TENM4: variants seen among roughly 807,000 people sequenced by gnomAD.
TENM4 encodes teneurin transmembrane protein 4, also known as teneurin-4.
In TENM4, 82 loss-of-function variants were observed where a neutral mutation model predicts 243.3. The observed-to-expected ratio is 0.34, with a 90% CI of 0.28 to 0.40. The LOEUF is 0.40. TENM4 is among the 10% of genes least tolerant of loss of function. The pLI, the probability that TENM4 is intolerant of heterozygous loss-of-function variation, is 1.00. For synonymous variants in TENM4, 1,412 were observed against 1,456.3 expected (o/e 0.97, Z 0.69); for missense variants, 3,138 against 3,673.3 (o/e 0.85, Z 3.77).
At chr11:79,260,831 G>C (rs578068856) in intron 2 of TENM4, among the ~76,000 whole-genome samples, 2 of 152,182 alleles carry the variant, frequency 1.3e-5, no homozygotes, top group African/African-American at 4.8e-5. Flanking sequence ...GGTTCTTCTG[G>C]GGATCCAACC....
intron 1 of TENM4, among the ~76,000 whole-genome samples, chr11:79,373,338 A>C (rs12791196): frequency 0.027 from 3,997 of 148,032 alleles, 71 homozygotes; most frequent in African/African-American, 0.051. Flanking sequence ...GGCTGGATGG[A>C]TGGATGGATG....
chr11:78,927,567 A>C (rs1040650226), intron 6 of TENM4, among the ~76,000 whole-genome samples: 8 of 152,348 alleles, frequency 5.3e-5, no homozygotes, highest in African/African-American at 1.9e-4. Context: ...ATGTTATTCA[A>C]AATAGAGGAG....
chr11:79,030,992 C>T (rs1443783526), intron 6 of TENM4, among the ~76,000 whole-genome samples: 1 of 152,132 alleles, frequency 6.6e-6, no homozygotes, highest in African/African-American at 2.4e-5. Flanking sequence ...AGAAAGGAGA[C>T]ACGAAGGTGG....
At chr11:79,274,227 G>A (rs1392902346) in intron 2 of TENM4, among the ~76,000 whole-genome samples, 4 of 152,234 alleles carry the variant, frequency 2.6e-5, no homozygotes, top group Non-Finnish European at 5.9e-5. Context: ...AAGGACAGAA[G>A]GCAGAAGGTC....
rs1402634437 is a variant in TENM4, at chr11:78,962,372, AAC to A, written c.494-58851_494-58850del. Among the ~76,000 whole-genome samples, 8 of 151,480 alleles carry A rather than the reference AAC, an allele frequency of 5.3e-5. No homozygotes were observed. In the East Asian group the frequency reaches 7.8e-4, roughly 15 times the overall value. Reference sequence around the variant, plus strand: ...GGAGCACCTGCGAACCACAAAGACAAACACAGACAGAAAAAATAATGAAAATT... The same window carrying A: ...GGAGCACCTGCGAACCACAAAGACAAACAGACAGAAAAAATAATGAAAATT... On this transcript the variant is annotated intron_variant, in intron 6 of 33. Coordinates refer to ENST00000278550, the MANE Select transcript of TENM4 (RefSeq NM_001098816.3).
chr11:78,914,031 A>C (rs935748133), intron 6 of TENM4, among the ~76,000 whole-genome samples: 1 of 152,290 alleles, frequency 6.6e-6, no homozygotes, highest in East Asian at 1.9e-4. Flanking sequence ...ATAATGTCCA[A>C]GTCTCATAGC....
chr11:79,280,897 C>A (rs573827459), intron 2 of TENM4, among the ~76,000 whole-genome samples: 7 of 152,174 alleles, frequency 4.6e-5, no homozygotes, highest in Admixed American at 2.6e-4. Context: ...TTGGCCCACT[C>A]GGCAAAATAA....
chr11:79,015,477 A>AGTGTGTGT (rs113872101), intron 6 of TENM4, among the ~76,000 whole-genome samples: 13,615 of 147,148 alleles, frequency 0.093, 1,076 homozygotes, highest in African/African-American at 0.22. Context: ...AAAGTCATTT[A>AGTGTGTGT]GTGTGTGTGT....
At chr11:79,356,591 A>T (rs1362489184) in intron 1 of TENM4, among the ~76,000 whole-genome samples, 1 of 152,166 alleles carries the variant, frequency 6.6e-6, no homozygotes, top group Non-Finnish European at 1.5e-5. Context: ...ACATGGAAAT[A>T]ATTAGCCCTG....
chr11:79,061,740 G>C (rs764635665), intron 6 of TENM4, among the ~76,000 whole-genome samples: 5 of 152,126 alleles, frequency 3.3e-5, no homozygotes, highest in Non-Finnish European at 7.3e-5. Flanking sequence ...ACTGTAACTA[G>C]GGCTGTAAGA....
chr11:79,362,715 T>C (rs1362846562), intron 1 of TENM4, among the ~76,000 whole-genome samples: 1 of 152,230 alleles, frequency 6.6e-6, no homozygotes, highest in African/African-American at 2.4e-5. Context: ...ACTATTTTTG[T>C]AGCTCTGTGA....
chr11:79,345,725 G>A (rs1228530391), intron 1 of TENM4, among the ~76,000 whole-genome samples: 1 of 152,106 alleles, frequency 6.6e-6, no homozygotes, highest in Admixed American at 6.5e-5. Context: ...ATACATTATT[G>A]AGAAGTTCCT....
chr11:79,117,660 C>A (rs1003198171), intron 4 of TENM4, among the ~76,000 whole-genome samples: 1 of 152,194 alleles, frequency 6.6e-6, no homozygotes, highest in African/African-American at 2.4e-5. Flanking sequence ...CCCTGGAGAG[C>A]AGCAGCCACT....
intron 4 of TENM4, among the ~76,000 whole-genome samples, chr11:79,102,777 C>T (rs974241757): frequency 5.3e-5 from 8 of 152,226 alleles, no homozygotes; most frequent in African/African-American, 1.7e-4. Context: ...CAGCTAGCCA[C>T]CTGTGGCTGT....
chr11:79,009,016 G>T (rs958810616), intron 6 of TENM4, among the ~76,000 whole-genome samples: 1 of 152,090 alleles, frequency 6.6e-6, no homozygotes. Context: ...AATAGCAAAG[G>T]TGAACATTTT....
At chr11:79,425,216 C>A (rs1191189245) in intron 1 of TENM4, among the ~76,000 whole-genome samples, 1 of 152,084 alleles carries the variant, frequency 6.6e-6, no homozygotes, top group Non-Finnish European at 1.5e-5. Flanking sequence ...AGGAGTGTAC[C>A]AAAGGGACCC....
At chr11:79,432,807 G>A (rs554387465) in intron 1 of TENM4, among the ~76,000 whole-genome samples, 5 of 152,270 alleles carry the variant, frequency 3.3e-5, no homozygotes, top group Non-Finnish European at 4.4e-5. Flanking sequence ...GCATATTCTC[G>A]AAAGTTACAA....
At chr11:78,864,724 G>C (rs61881988) in intron 9 of TENM4, among the ~76,000 whole-genome samples, 1 of 152,102 alleles carries the variant, frequency 6.6e-6, no homozygotes, top group African/African-American at 2.4e-5. Context: ...GGAAGTAAGC[G>C]CTCAAGTCCC....
chr11:78,662,610 G>A lies in TENM4; in HGVS notation c.7409-1019C>T, dbSNP rs561844903. ...AAATATTAGGTGTGGGGATAGATAG[G>A]ATTTTGCCATGAACATCTGGCTTAC... On this transcript the variant is annotated intron_variant, in intron 32 of 33. Transcript: ENST00000278550. Among the ~76,000 whole-genome samples the A allele has an allele frequency of 2.6e-5, 4 of 152,266 alleles. No homozygotes were observed. In the South Asian group the frequency reaches 8.3e-4, roughly 32 times the overall value.
Sources: allele counts gnomAD v4.1 joint callset (sites outside exome capture counted in the v4.1 genomes callset), GRCh38; gene constraint gnomAD v4.1.1; transcripts MANE v1.5; gene names NCBI Gene and HGNC (gene_info 2026-07-23, HGNC 2026-07-21).